Variants in FBXO45 observed in about 807,000 individuals in gnomAD.
FBXO45 encodes the protein F-box protein 45, also known as F-box/SPRY domain-containing protein 1.
A neutral mutation model predicts 25.5 loss-of-function variants in FBXO45; 3 were observed. That is an observed-to-expected ratio of 0.12 (90% CI 0.05 to 0.30). FBXO45 has a LOEUF of 0.30. Among genes scored for constraint, FBXO45 ranks in the 10% least tolerant of loss-of-function variants. The pLI is 1.00. For missense variants in FBXO45, 219 were observed against 365.0 expected, an observed-to-expected ratio of 0.60 and a Z score of 3.26; for synonymous variants, 155 against 149.8, an observed-to-expected ratio of 1.03 and a Z score of -0.25.
rs1736069328 is a variant in FBXO45, at chr3:196,584,536, G to T, written c.*218G>T. 1 of 469,030 alleles carries T rather than the reference G, an allele frequency of 2.1e-6. No homozygotes were observed. The highest frequency in any genetic ancestry group is 3.7e-6 in the Non-Finnish European group (1 of 266,938). 29.1% of individuals were successfully genotyped at this position (469,030 alleles called of 1,614,324 possible). ...AGGGTTGCAGTTGGTTGAGTGGGCA[G>T]TTGACATATGCATGTTGCACCCGAT... On this transcript the variant is annotated 3_prime_UTR_variant, in exon 3 of 3. Transcript: ENST00000311630. The surrounding 1 kb of genome is among the most constrained non-coding windows in gnomAD (Gnocchi z 4.3).
intron 2 of FBXO45, among the ~76,000 whole-genome samples, chr3:196,579,853 C>T (rs538214511): frequency 1.6e-4 from 24 of 152,272 alleles, no homozygotes; most frequent in African/African-American, 5.8e-4. Flanking sequence ...GTTTTATCTC[C>T]CTGCCTGATT....
chr3:196,572,189 T>C (rs1735837000), intron 1 of FBXO45, among the ~76,000 whole-genome samples: 1 of 152,198 alleles, frequency 6.6e-6, no homozygotes, highest in African/African-American at 2.4e-5. Context: ...GTACAACATA[T>C]ATTTTTATTT....
intron 2 of FBXO45, among the ~76,000 whole-genome samples, chr3:196,580,779 T>C (rs567125038): frequency 7.5e-5 from 11 of 146,656 alleles, no homozygotes; most frequent in Admixed American, 2.0e-4. Flanking sequence ...TTTCTTTTCC[T>C]TTTTTTTTTT....
intron 1 of FBXO45, among the ~76,000 whole-genome samples, chr3:196,573,010 C>A (rs1034388483): frequency 2.0e-5 from 3 of 152,064 alleles, no homozygotes; most frequent in Non-Finnish European, 4.4e-5. Context: ...CAGCCTTGAA[C>A]TCCTGGGCTC....
At chr3:196,583,887 C>G (rs1736060098) in intron 2 of FBXO45, among the ~76,000 whole-genome samples, 1 of 152,176 alleles carries the variant, frequency 6.6e-6, no homozygotes, top group Admixed American at 6.5e-5. Context: ...AACTCCTGGG[C>G]TCAAGCAATC....
intron 1 of FBXO45, among the ~76,000 whole-genome samples, chr3:196,576,956 G>A (rs1735923620): frequency 6.6e-6 from 1 of 152,006 alleles, no homozygotes; most frequent in Non-Finnish European, 1.5e-5. Context: ...CAACTTTTTG[G>A]TATAAAAATA....
rs1735701160 is a variant in FBXO45 at position 196,568,831 on chromosome 3, C to T, written c.-154C>T. The T allele has an allele frequency of 5.0e-6, 2 of 403,666 alleles. No homozygotes were observed. Among genetic ancestry groups the T allele is most frequent in the Non-Finnish European group, 6.7e-6 (2 of 298,126 alleles). The allele number at this position is 403,666 out of a possible 1,614,324, so 25.0% of individuals were successfully genotyped here. On this transcript the variant is annotated 5_prime_UTR_variant, in exon 1 of 3. Transcript: ENST00000311630. ...AGGCGGGGCGCGCGGCGGACGCCCC[C>T]GGGCAGGGGCGGGAGTGGTGGAGGC... is the stretch of plus-strand genomic sequence containing the variant.
Position 196,577,756 on chromosome 3 carries a change from A to G in FBXO45, c.622A>G (p.Asn208Asp), listed in dbSNP as rs369100604. 8.1e-6 allele frequency: 13 copies of G among 1,613,100 alleles called. No homozygotes were observed. The highest frequency in any genetic ancestry group is 1.1e-5 in the Non-Finnish European group (13 of 1,179,236). Residue 208 changes from asparagine (N) to aspartate (D), a missense_variant, in exon 2 of 3, where the codon AAT becomes GAT. Physicochemically the swap from Asn to Asp is conservative, Grantham distance 23. Coordinates refer to ENST00000311630, the MANE Select transcript of FBXO45 (RefSeq NM_001105573.2). ...WNLVDNNLLHNGEVNGSFPQC... is the reference protein window; with the variant it reads ...WNLVDNNLLHDGEVNGSFPQC... ...TCTGGTGGACAATAATCTACTACATAATGGAGAAGTCAATGGCAGTTTTCC... is the reference window on the plus strand; with the variant it reads ...TCTGGTGGACAATAATCTACTACATGATGGAGAAGTCAATGGCAGTTTTCC...
rs2108722009 is a variant in FBXO45 at position 196,568,666 on chromosome 3, G to A, written c.-319G>A. 1 of 152,456 alleles carries A rather than the reference G, an allele frequency of 6.6e-6. No individual in the cohort carries two copies. Among genetic ancestry groups the A allele is most frequent in the Admixed American group, 6.5e-5 (1 of 15,314 alleles). 9.4% of individuals were successfully genotyped at this position (152,456 alleles called of 1,614,324 possible). A position where few individuals can be genotyped will look rare whatever the true frequency, so the allele number is the denominator to read the frequency against. ...GCGAACGAGCTGGGCGTGCGCCCTTGCTTCGTGCCCTCAACCCGCATGGCG... is the reference window on the plus strand; with the variant it reads ...GCGAACGAGCTGGGCGTGCGCCCTTACTTCGTGCCCTCAACCCGCATGGCG... On this transcript the variant is annotated 5_prime_UTR_variant, in exon 1 of 3. Transcript: ENST00000311630.
chr3:196,578,859 A>C (rs140869083), intron 2 of FBXO45, among the ~76,000 whole-genome samples: 1 of 152,108 alleles, frequency 6.6e-6, no homozygotes. Context: ...TGTGTGGCCC[A>C]AAACAATTCT....
chr3:196,583,767 C>T (rs555368853), intron 2 of FBXO45, among the ~76,000 whole-genome samples: 3 of 152,196 alleles, frequency 2.0e-5, no homozygotes, highest in Admixed American at 2.0e-4. Flanking sequence ...GTTACCTAGG[C>T]TGGAGTGCAG....
In FBXO45 at chr3:196,587,354, T is replaced by G. The variant is rs1480342855; in HGVS notation, c.*3036T>G. The G allele has an allele frequency of 1.3e-5, 2 of 152,252 alleles. No individual in the cohort carries two copies. Among genetic ancestry groups the G allele is most frequent in the African/African-American group, 4.8e-5 (2 of 41,466 alleles). The allele number at this position is 152,252 out of a possible 1,614,324, so 9.4% of individuals were successfully genotyped here. On this transcript the variant is annotated 3_prime_UTR_variant, in exon 3 of 3. Coordinates refer to ENST00000311630, the MANE Select transcript of FBXO45 (RefSeq NM_001105573.2). Reference sequence around the variant, plus strand: ...TTATTTGACTTAAATGTTAAGCCATTTATTTCATCTCCCTCATTCACATAA... The same window carrying G: ...TTATTTGACTTAAATGTTAAGCCATGTATTTCATCTCCCTCATTCACATAA...
rs538989139 is a variant in FBXO45 at position 196,585,447 on chromosome 3, A to G, written c.*1129A>G. On this transcript the variant is annotated 3_prime_UTR_variant, in exon 3 of 3. Coordinates refer to ENST00000311630, the MANE Select transcript of FBXO45 (RefSeq NM_001105573.2). ...CATCATGCAACTAATCTAAGCCTCA[A>G]ACTCGTTATTGGGGCTATAAAGAAA... 3.3e-5 allele frequency: 5 copies of G among 152,306 alleles called. No homozygotes were observed. Among genetic ancestry groups the G allele is most frequent in the South Asian group, 2.1e-4 (1 of 4,824 alleles). 9.4% of individuals were successfully genotyped at this position (152,306 alleles called of 1,614,324 possible). A position where few individuals can be genotyped will look rare whatever the true frequency, so the allele number is the denominator to read the frequency against.
Position 196,584,284 on chromosome 3 carries a change from CTT to C in FBXO45, c.829_830del (p.Leu277GlyfsTer16). On this transcript the variant is annotated frameshift_variant, in exon 3 of 3. Coordinates refer to ENST00000311630, the MANE Select transcript of FBXO45 (RefSeq NM_001105573.2). LOFTEE classifies it high-confidence loss of function. The surrounding 1 kb of genome is among the most constrained non-coding windows in gnomAD (Gnocchi z 4.3). The stretch of plus-strand genomic sequence containing the variant: ...GCTGTATATGGCAACACAGAAGTGA[CTT>C]TGGTTTACCTTGGAAAACCTTTGGA... 2 of 1,608,904 alleles carry C rather than the reference CTT, an allele frequency of 1.2e-6. No individual in the cohort carries two copies. Among genetic ancestry groups the C allele is most frequent in the Non-Finnish European group, 1.7e-6 (2 of 1,178,796 alleles).
chr3:196,580,713 C>T (rs1735994323), intron 2 of FBXO45, among the ~76,000 whole-genome samples: 1 of 151,716 alleles, frequency 6.6e-6, no homozygotes, highest in Non-Finnish European at 1.5e-5. Flanking sequence ...GCCTCTAAAA[C>T]TATGTTCTTG....
Position 196,569,423 on chromosome 3 carries a change from C to G in FBXO45, c.318+121C>G. On this transcript the variant is annotated intron_variant, in intron 1 of 2. Transcript: ENST00000311630. The surrounding 1 kb of genome is among the most constrained non-coding windows in gnomAD (Gnocchi z 4.1). ...CTCACCAGCCCGCCTTTCCACGGCT[C>G]CAGTCAGTATCTTCCTCACCTCCCC... 1 of 952,246 alleles carries G rather than the reference C, an allele frequency of 1.1e-6. No homozygotes were observed. The highest frequency in any genetic ancestry group is 1.5e-6 in the Non-Finnish European group (1 of 658,464). 59.0% of individuals were successfully genotyped at this position (952,246 alleles called of 1,614,324 possible). A position where few individuals can be genotyped will look rare whatever the true frequency, so the allele number is the denominator to read the frequency against.
intron 1 of FBXO45, among the ~76,000 whole-genome samples, chr3:196,574,650 T>G (rs1307251167): frequency 6.6e-6 from 1 of 152,020 alleles, no homozygotes; most frequent in Non-Finnish European, 1.5e-5. Flanking sequence ...TTAGATTAGA[T>G]TTTTTTTGCA....
chr3:196,582,508 G>A (rs1055388558), intron 2 of FBXO45, among the ~76,000 whole-genome samples: 7 of 152,250 alleles, frequency 4.6e-5, no homozygotes, highest in African/African-American at 1.2e-4. Context: ...GACAATAGTA[G>A]GGGTTATAAT....
intron 1 of FBXO45, among the ~76,000 whole-genome samples, chr3:196,576,518 A>G (rs1169904905): frequency 2.6e-5 from 4 of 152,236 alleles, no homozygotes; most frequent in Non-Finnish European, 5.9e-5. Flanking sequence ...ACTGCACTGC[A>G]GTCTGGGTGA....
Sources: allele counts gnomAD v4.1 joint callset (sites outside exome capture counted in the v4.1 genomes callset), GRCh38; gene constraint gnomAD v4.1.1; non-coding constraint Gnocchi (gnomAD v3.1); transcripts MANE v1.5; gene names NCBI Gene and HGNC (gene_info 2026-07-23, HGNC 2026-07-21).